VPS13D: variants seen among roughly 807,000 people sequenced by gnomAD.
VPS13D encodes vacuolar protein sorting 13 homolog D, also known as intermembrane lipid transfer protein VPS13D.
In VPS13D, 187 loss-of-function variants were observed where a neutral mutation model predicts 461.9. That is an observed-to-expected ratio of 0.40 (90% CI 0.36 to 0.46). The LOEUF is 0.46. VPS13D is among the 20% of genes least tolerant of loss of function. The pLI is 0.60. For missense variants in VPS13D, 4,711 were observed against 5,364.9 expected (o/e 0.88, Z 3.81); for synonymous variants, 1,951 against 1,986.3 (o/e 0.98, Z 0.47).
At position 12,279,477 on chromosome 1, in the gene VPS13D, C is replaced by A; in HGVS notation, c.4451-22C>A. ...GTAAATATTAAGGTTTATGGTCTAT[C>A]ATTTCATCTCTTTTATGCCAGCTTT... On this transcript the variant is annotated intron_variant, in intron 19 of 69. Coordinates refer to ENST00000620676, the MANE Select transcript of VPS13D (RefSeq NM_015378.4). The surrounding 1 kb of genome is among the most constrained non-coding windows in gnomAD (Gnocchi z 4.3). The A allele has an allele frequency of 6.3e-7, 1 of 1,576,844 alleles. No individual in the cohort carries two copies. Among genetic ancestry groups the A allele is most frequent in the Non-Finnish European group, 8.7e-7 (1 of 1,155,104 alleles).
rs1281958955 is a variant in VPS13D at position 12,505,890 on chromosome 1, C to T, written c.12795-963C>T. On this transcript the variant is annotated intron_variant, in intron 68 of 69. Coordinates refer to ENST00000620676, the MANE Select transcript of VPS13D (RefSeq NM_015378.4). This position sits in a 1 kb window ranked among gnomAD's most constrained non-coding sequence, Gnocchi z 4.2. ...CCCTCGACAGGCAGGCCACCTCCTG[C>T]CCCCAGGCTTCTGCCCCCTTCAGAG... Among the ~76,000 whole-genome samples, 2 of 152,238 alleles carry T rather than the reference C, an allele frequency of 1.3e-5. No homozygotes were observed. Among genetic ancestry groups the T allele is most frequent in the Non-Finnish European group, 2.9e-5 (2 of 68,050 alleles).
At chr1:12,412,349 A>C (rs1313826083) in intron 63 of VPS13D, among the ~76,000 whole-genome samples, 1 of 152,250 alleles carries the variant, frequency 6.6e-6, no homozygotes, top group African/African-American at 2.4e-5. Context: ...AGAGCAGCTA[A>C]GGTAACCCTG....
At chr1:12,270,586 GT>G (rs1362004962) in intron 16 of VPS13D, among the ~76,000 whole-genome samples, 3 of 152,158 alleles carry the variant, frequency 2.0e-5, no homozygotes, top group Admixed American at 1.3e-4. Context: ...AGAAATTCTA[GT>G]AACTTAGGTA....
chr1:12,295,080 G>A (rs1642237747), intron 24 of VPS13D, among the ~76,000 whole-genome samples: 1 of 134,240 alleles, frequency 7.4e-6, no homozygotes, highest in African/African-American at 3.7e-5. Flanking sequence ...AAATTAGCCG[G>A]GTGTGGTGAG....
chr1:12,253,609 C>T, intron 6 of VPS13D, 113 bp from the exon 7 acceptor site: 2 of 806,012 alleles, frequency 2.5e-6, no homozygotes, highest in Non-Finnish European at 4.1e-6. Context: ...TATATGTCCA[C>T]AGCACCTTGC....
chr1:12,481,160 C>G (rs927453611), intron 67 of VPS13D, among the ~76,000 whole-genome samples: 1 of 150,040 alleles, frequency 6.7e-6, no homozygotes, highest in Non-Finnish European at 1.5e-5. Context: ...CTGCATTGGC[C>G]GACTCCTGGC....
chr1:12,368,290 A>C (rs1644067393), intron 52 of VPS13D, among the ~76,000 whole-genome samples, 178 bp from the exon 53 acceptor site: 1 of 152,218 alleles, frequency 6.6e-6, no homozygotes, highest in Admixed American at 6.5e-5. Context: ...ACCATTTTGT[A>C]ATCATATTAC....
chr1:12,415,095 A>T lies in VPS13D; in HGVS notation c.12039A>T (p.Lys4013Asn). 2.5e-6 allele frequency: 4 copies of T among 1,613,958 alleles called. No individual in the cohort carries two copies. The highest frequency in any genetic ancestry group is 2.5e-6 in the Non-Finnish European group (3 of 1,179,944). The change falls in exon 64 of 70, where the codon AAA becomes AAT. Residue 4013 changes from lysine (K) to asparagine (N), a missense_variant. Lys to Asn is a moderately conservative substitution (Grantham distance 94, BLOSUM62 0). Around this residue, in one of 3 missense-constraint regions of VPS13D, gnomAD observed 4,411 missense variants for 4,937.8 expected, o/e 0.89. Coordinates refer to ENST00000620676, the MANE Select transcript of VPS13D (RefSeq NM_015378.4). ...CTTTCTTCCCTAATTAGGCCCTAAAAAGCACCTTGGGGTTTCCTTTGATAC... is the reference window on the plus strand; with the variant it reads ...CTTTCTTCCCTAATTAGGCCCTAAATAGCACCTTGGGGTTTCCTTTGATAC... ...NKLPLDLKAL[K>N]STLGFPLIRF...
chr1:12,325,131 T>C (rs1007339906), intron 35 of VPS13D, among the ~76,000 whole-genome samples: 23 of 152,328 alleles, frequency 1.5e-4, no homozygotes, highest in African/African-American at 5.5e-4. Context: ...TTGCCCAGGC[T>C]GGAATGCAAT....
chr1:12,449,963 A>G (rs1645240538), intron 65 of VPS13D, among the ~76,000 whole-genome samples: 1 of 152,086 alleles, frequency 6.6e-6, no homozygotes, highest in South Asian at 2.1e-4. Flanking sequence ...TGTCTCTACT[A>G]AAAATACAAA....
rs1557485740 is a variant in VPS13D, at chr1:12,507,993, T to C, written c.13035+900T>C. On this transcript the variant is annotated intron_variant, in intron 69 of 69. Coordinates refer to ENST00000620676, the MANE Select transcript of VPS13D (RefSeq NM_015378.4). The surrounding 1 kb of genome is among the most constrained non-coding windows in gnomAD (Gnocchi z 5.3). ...TGGATCGGAAATAGCGCCAGCCTTA[T>C]TGGGCCTCTCTCCTCCGGAGTCCTT... 2.0e-5 allele frequency among the ~76,000 whole-genome samples: 3 copies of C among 152,358 alleles called. No homozygotes were observed. The highest frequency in any genetic ancestry group is 2.0e-4 in the Admixed American group (3 of 15,308).
At chr1:12,290,948 T>C in intron 22 of VPS13D, 50 bp from the exon 23 acceptor site, 4 of 1,535,020 alleles carry the variant, frequency 2.6e-6, no homozygotes, top group Non-Finnish European at 3.5e-6. Context: ...ATTTAAGTTG[T>C]GTGACAAAAA....
chr1:12,341,734 A>G, intron 40 of VPS13D, 46 bp from the exon 41 acceptor site: 1 of 1,575,260 alleles, frequency 6.3e-7, no homozygotes, highest in South Asian at 1.1e-5. Flanking sequence ...GGTCTCTGCC[A>G]TGCAGATAGG....
chr1:12,427,242 TTTATTATTA>T (rs55913483), intron 65 of VPS13D, among the ~76,000 whole-genome samples: 1,884 of 128,758 alleles, frequency 0.015, 40 homozygotes, highest in African/African-American at 0.05. Context: ...TTGTCATTAT[TTTATTATTA>T]TTATTATTAT....
At chr1:12,377,902 A>G (rs1344370090) in intron 55 of VPS13D, among the ~76,000 whole-genome samples, 1 of 152,158 alleles carries the variant, frequency 6.6e-6, no homozygotes, top group Non-Finnish European at 1.5e-5. Flanking sequence ...TTGTGATACA[A>G]TCAATTCATG....
At chr1:12,269,102 C>T (rs1402543214) in intron 16 of VPS13D, among the ~76,000 whole-genome samples, 1 of 152,104 alleles carries the variant, frequency 6.6e-6, no homozygotes, top group Non-Finnish European at 1.5e-5. Flanking sequence ...CTTTGTTTGC[C>T]TCCATTTAGC....
At chr1:12,237,932 T>C (rs1339368553) in intron 2 of VPS13D, among the ~76,000 whole-genome samples, 2 of 151,254 alleles carry the variant, frequency 1.3e-5, no homozygotes, top group African/African-American at 4.9e-5. Context: ...AAGGCGGGCA[T>C]ATCACTTGAA....
intron 65 of VPS13D, among the ~76,000 whole-genome samples, chr1:12,418,179 A>G (rs1400565305): frequency 6.6e-6 from 1 of 152,186 alleles, no homozygotes; most frequent in East Asian, 1.9e-4. Context: ...AAGTGCTGGG[A>G]TTACAGGTGT....
intron 30 of VPS13D, among the ~76,000 whole-genome samples, chr1:12,317,463 A>T (rs1569889691): frequency 6.6e-6 from 1 of 151,938 alleles, no homozygotes; most frequent in Non-Finnish European, 1.5e-5. Context: ...GGGTCAGATA[A>T]TTCCTTATTA....
Sources: gnomAD v4.1 joint callset for allele counts (sites outside exome capture counted in the v4.1 genomes callset) on GRCh38, gnomAD v4.1.1 for gene constraint, gnomAD v4.1.1 regional missense constraint, Gnocchi (gnomAD v3.1) non-coding constraint, MANE v1.5 for transcripts, NCBI Gene and HGNC (gene_info 2026-07-23, HGNC 2026-07-21) for gene names.